Variants in SUSD6 observed in about 807,000 individuals in gnomAD.
The protein encoded by SUSD6 is sushi domain-containing protein 6.
Under a neutral mutation model 28.4 loss-of-function variants are expected in SUSD6, and 16 were observed. The observed-to-expected ratio is 0.56, with a 90% CI of 0.38 to 0.86. SUSD6 has a LOEUF of 0.86. SUSD6 is among the 40% of genes least tolerant of loss of function. SUSD6 has a pLI of 0.00. For missense variants in SUSD6, 341 were observed against 384.2 expected (o/e 0.89, Z 0.94); for synonymous variants, 147 against 159.6 (o/e 0.92, Z 0.59).
chr14:69,635,639 ACAC>A (rs1237808223), intron 1 of SUSD6, among the ~76,000 whole-genome samples: 2 of 135,030 alleles, frequency 1.5e-5, no homozygotes, highest in Non-Finnish European at 3.2e-5. Context: ...ACACACACAC[ACAC>A]ATTTTCACCT....
intron 1 of SUSD6, among the ~76,000 whole-genome samples, chr14:69,654,721 C>G (rs1400401182): frequency 6.6e-6 from 1 of 151,602 alleles, no homozygotes; most frequent in African/African-American, 2.4e-5. Flanking sequence ...TCTCCTTCCC[C>G]GTTAACCACT....
Position 69,611,829 on chromosome 14 carries a change from G to C in SUSD6, c.-81+1G>C, listed in dbSNP as rs1386373803. 6.6e-6 allele frequency: 1 copy of C among 151,686 alleles called. No homozygotes were observed. The highest frequency in any genetic ancestry group is 1.5e-5 in the Non-Finnish European group (1 of 67,840). The allele number at this position is 151,686 out of a possible 1,614,324, so 9.4% of individuals were successfully genotyped here. The stretch of plus-strand genomic sequence containing the variant: ...CCCGGAGGTCTCCGCCGGCTCCCGG[G>C]TGAGTTGTCACCGCGGCCCGGGGGC... On this transcript the variant is annotated splice_donor_variant, in intron 1 of 5. Transcript: ENST00000342745. LOFTEE classifies it low-confidence loss of function (5UTR_SPLICE).
At position 69,704,660 on chromosome 14, in the gene SUSD6, G is replaced by GCCAGCT; in HGVS notation, c.379_384dup (p.Ser127_Ser128dup). The stretch of plus-strand genomic sequence containing the variant: ...CACGCTGTCTATAGTGGCTTCTACT[G>GCCAGCT]CCAGCTCCGTGGCGCTCATTCTCCT... On this transcript the variant is annotated inframe_insertion, in exon 4 of 6. Transcript: ENST00000342745. 1 of 1,614,124 alleles carries GCCAGCT rather than the reference G, an allele frequency of 6.2e-7. No individual in the cohort carries two copies. Among genetic ancestry groups the GCCAGCT allele is most frequent in the Non-Finnish European group, 8.5e-7 (1 of 1,180,008 alleles).
intron 1 of SUSD6, among the ~76,000 whole-genome samples, chr14:69,641,089 T>TG (rs1885344867): frequency 6.6e-6 from 1 of 152,246 alleles, no homozygotes; most frequent in Non-Finnish European, 1.5e-5. Context: ...CATTGCCTCC[T>TG]GGCTTGCATT....
chr14:69,667,437 T>C (rs1415270883), intron 2 of SUSD6, among the ~76,000 whole-genome samples: 13 of 135,042 alleles, frequency 9.6e-5, no homozygotes, highest in African/African-American at 3.3e-4. Flanking sequence ...AGTGCAGTGG[T>C]GCAATCTCGG....
chr14:69,623,493 G>A (rs549674058), intron 1 of SUSD6, among the ~76,000 whole-genome samples: 2 of 152,186 alleles, frequency 1.3e-5, no homozygotes, highest in South Asian at 4.1e-4. Context: ...TAATAACAGT[G>A]TTTCTGGTTT....
At chr14:69,624,606 C>T (rs1189464411) in intron 1 of SUSD6, among the ~76,000 whole-genome samples, 3 of 152,090 alleles carry the variant, frequency 2.0e-5, no homozygotes, top group Non-Finnish European at 4.4e-5. Flanking sequence ...GCATGTGGCA[C>T]CATATCCGGC....
intron 1 of SUSD6, among the ~76,000 whole-genome samples, chr14:69,638,466 G>GTAAT (rs1885299368): frequency 7.0e-6 from 1 of 143,814 alleles, no homozygotes; most frequent in Non-Finnish European, 1.6e-5. Context: ...GTGTAATTGT[G>GTAAT]TGTGTGTGGG....
intron 2 of SUSD6, among the ~76,000 whole-genome samples, chr14:69,671,983 A>C (rs1329147237): frequency 6.6e-6 from 1 of 152,226 alleles, no homozygotes; most frequent in Non-Finnish European, 1.5e-5. Flanking sequence ...GAGATAATAT[A>C]TGTAAAAGTC....
chr14:69,618,522 A>G (rs551647083), intron 1 of SUSD6, among the ~76,000 whole-genome samples: 2 of 152,378 alleles, frequency 1.3e-5, no homozygotes, highest in East Asian at 3.9e-4. Flanking sequence ...TAATGATTTA[A>G]CGGAGGATCA....
intron 2 of SUSD6, among the ~76,000 whole-genome samples, chr14:69,663,161 T>G (rs1025815664): frequency 6.6e-6 from 1 of 152,230 alleles, no homozygotes; most frequent in Non-Finnish European, 1.5e-5. Flanking sequence ...TTGCATAGTT[T>G]GATCTTAATC....
rs1304261025 is a variant in SUSD6, at chr14:69,708,980, G to T, written c.762G>T (p.Gln254His). 6.2e-7 allele frequency: 1 copy of T among 1,614,198 alleles called. No individual in the cohort carries two copies. The highest frequency in any genetic ancestry group is 8.5e-7 in the Non-Finnish European group (1 of 1,180,048). The change falls in exon 5 of 6, where the codon CAG becomes CAT. Residue 254 changes from glutamine to histidine, a missense_variant. Coordinates refer to ENST00000342745, the MANE Select transcript of SUSD6 (RefSeq NM_014734.4). The stretch of plus-strand genomic sequence containing the variant: ...CCTCAGAGACTGTGATGGTGCATCA[G>T]GCAACCACCTCTTCCTGGGTGGCCG... ...SRASETVMVH[Q>H]ATTSSWVAGS... is the part of the protein sequence containing the mutation.
chr14:69,672,563 C>T (rs1885849268), intron 2 of SUSD6, among the ~76,000 whole-genome samples: 1 of 152,162 alleles, frequency 6.6e-6, no homozygotes, highest in African/African-American at 2.4e-5. Flanking sequence ...ACTTGAGATG[C>T]CAGGTTCTGC....
chr14:69,665,225 A>G (rs1213661538), intron 2 of SUSD6, among the ~76,000 whole-genome samples: 2 of 152,168 alleles, frequency 1.3e-5, no homozygotes, highest in Admixed American at 6.5e-5. Context: ...GAATTCACTG[A>G]AAGATGAGGG....
intron 1 of SUSD6, among the ~76,000 whole-genome samples, chr14:69,618,973 T>C (rs1311853169): frequency 6.6e-6 from 1 of 152,204 alleles, no homozygotes; most frequent in Non-Finnish European, 1.5e-5. Context: ...TTGGGGTTCT[T>C]CTTATTCTAC....
At chr14:69,617,645 C>G (rs1457406994) in intron 1 of SUSD6, 1 of 152,230 alleles carries the variant, frequency 6.6e-6, no homozygotes, top group Non-Finnish European at 1.5e-5. Context: ...AATGCGAAGC[C>G]TCAGCTCTAA....
In SUSD6 at chr14:69,611,636, A is replaced by T. The variant is rs1210184820; in HGVS notation, c.-273A>T. 6.7e-6 allele frequency: 1 copy of T among 149,990 alleles called. No individual in the cohort carries two copies. Among genetic ancestry groups the T allele is most frequent in the Admixed American group, 6.6e-5 (1 of 15,082 alleles). The allele number at this position is 149,990 out of a possible 1,614,324, so 9.3% of individuals were successfully genotyped here. Reference sequence around the variant, plus strand: ...GCAGCCGTCGCTACCGCCGCGTTCTATTCTCCGAAGCCGGCGACCGCCCCA... The same window carrying T: ...GCAGCCGTCGCTACCGCCGCGTTCTTTTCTCCGAAGCCGGCGACCGCCCCA... On this transcript the variant is annotated 5_prime_UTR_variant, in exon 1 of 6. Coordinates refer to ENST00000342745, the MANE Select transcript of SUSD6 (RefSeq NM_014734.4).
At chr14:69,690,483 G>T (rs1230329990) in intron 2 of SUSD6, among the ~76,000 whole-genome samples, 1 of 152,168 alleles carries the variant, frequency 6.6e-6, no homozygotes, top group Non-Finnish European at 1.5e-5. Context: ...ATGTGGGAAG[G>T]ATTCAAAGAG....
chr14:69,665,468 G>T (rs1353833321), intron 2 of SUSD6, among the ~76,000 whole-genome samples: 1 of 152,170 alleles, frequency 6.6e-6, no homozygotes, highest in African/African-American at 2.4e-5. Flanking sequence ...GCCCAGGCTG[G>T]TCTTGAACTC....
Sources: allele counts gnomAD v4.1 joint callset (sites outside exome capture counted in the v4.1 genomes callset), GRCh38; gene constraint gnomAD v4.1.1; transcripts MANE v1.5; gene names NCBI Gene and HGNC (gene_info 2026-07-23, HGNC 2026-07-21).